COP1: variants seen among roughly 807,000 people sequenced by gnomAD.
COP1 encodes the protein E3 ubiquitin-protein ligase COP1.
In COP1, 24 loss-of-function variants were observed where a neutral mutation model predicts 101.3. That is an observed-to-expected ratio of 0.24 (90% confidence interval 0.17 to 0.33). COP1 has a LOEUF of 0.33. COP1 is among the 10% of genes least tolerant of loss of function. The pLI, the probability that COP1 is intolerant of heterozygous loss-of-function variation, is 1.00. For missense variants in COP1, 663 were observed against 906.2 expected (o/e 0.73, Z 3.45); for synonymous variants, 347 against 341.9 (o/e 1.01, Z -0.17).
At chr1:176,190,205 T>G (rs1197078325) in intron 1 of COP1, among the ~76,000 whole-genome samples, 2 of 152,088 alleles carry the variant, frequency 1.3e-5, no homozygotes, top group East Asian at 3.8e-4. Flanking sequence ...TGCATTTATA[T>G]TCTTACTGGT....
chr1:176,067,696 G>A (rs1425396272), intron 11 of COP1, among the ~76,000 whole-genome samples: 1 of 152,136 alleles, frequency 6.6e-6, no homozygotes, highest in Non-Finnish European at 1.5e-5. Context: ...CAATTTTTCT[G>A]GTACACCAAG....
intron 9 of COP1, among the ~76,000 whole-genome samples, chr1:176,111,172 A>G (rs1685220882): frequency 6.6e-6 from 1 of 152,184 alleles, no homozygotes; most frequent in Admixed American, 6.5e-5. Flanking sequence ...AATAATAATA[A>G]TAACAGTATT....
intron 18 of COP1, among the ~76,000 whole-genome samples, chr1:175,973,438 A>C (rs907595669): frequency 6.6e-5 from 10 of 152,214 alleles, no homozygotes; most frequent in Non-Finnish European, 1.5e-4. Context: ...AGCATAACAC[A>C]GTAAAAATTA....
chr1:176,136,821 A>C (rs1194923308), intron 6 of COP1, among the ~76,000 whole-genome samples: 1 of 152,196 alleles, frequency 6.6e-6, no homozygotes, highest in Non-Finnish European at 1.5e-5. Context: ...GATGAATGAC[A>C]GTGGCTTAAA....
chr1:176,069,125 T>C (rs1027135506), intron 11 of COP1, among the ~76,000 whole-genome samples: 1 of 151,548 alleles, frequency 6.6e-6, no homozygotes, highest in African/African-American at 2.4e-5. Flanking sequence ...GTCAAGGCTG[T>C]AGTAAATCAG....
intron 18 of COP1, among the ~76,000 whole-genome samples, chr1:175,985,343 A>C (rs1048209728): frequency 1.3e-5 from 2 of 152,206 alleles, no homozygotes; most frequent in Non-Finnish European, 2.9e-5. Flanking sequence ...TAGTTACAAA[A>C]CTAAAAAAAA....
intron 11 of COP1, among the ~76,000 whole-genome samples, chr1:176,049,228 G>A (rs554428479): frequency 2.1e-4 from 32 of 148,904 alleles, no homozygotes; most frequent in Non-Finnish European, 3.7e-4. Context: ...ACCTAAATAT[G>A]TCTATTATTT....
At chr1:176,184,531 C>G in intron 2 of COP1, 102 bp downstream of exon 2, 2 of 887,500 alleles carry the variant, frequency 2.3e-6, no homozygotes, top group Non-Finnish European at 1.8e-6. Context: ...ATGACTGTAA[C>G]ATAATCAAAG....
intron 9 of COP1, among the ~76,000 whole-genome samples, chr1:176,086,750 C>A (rs540837845): frequency 6.0e-4 from 91 of 152,112 alleles, no homozygotes; most frequent in South Asian, 2.7e-3. Flanking sequence ...ACAGAACTGG[C>A]AAAACTACTT....
At chr1:176,050,133 G>C (rs777810283) in intron 11 of COP1, among the ~76,000 whole-genome samples, 1 of 152,162 alleles carries the variant, frequency 6.6e-6, no homozygotes, top group Non-Finnish European at 1.5e-5. Context: ...TCGTGTTTCT[G>C]GGGACATAAA....
chr1:176,001,507 A>C (rs1392618771), intron 15 of COP1, among the ~76,000 whole-genome samples: 1 of 152,158 alleles, frequency 6.6e-6, no homozygotes, highest in East Asian at 1.9e-4. Flanking sequence ...CAGTGATGTA[A>C]AAATAATAAT....
intron 11 of COP1, among the ~76,000 whole-genome samples, chr1:176,054,409 G>A (rs1673103813): frequency 6.6e-6 from 1 of 151,926 alleles, no homozygotes; most frequent in Admixed American, 6.6e-5. Flanking sequence ...TGATCTGTCC[G>A]TCTCAGCCTC....
rs571539616 is a variant in COP1 at position 175,946,126 on chromosome 1, C to T, written c.2179-956G>A. 1.8e-4 allele frequency among the ~76,000 whole-genome samples: 27 copies of T among 152,204 alleles called. 1 individual carries two copies. The highest frequency in any genetic ancestry group is 1.7e-3 in the Admixed American group (26 of 15,284). The stretch of plus-strand genomic sequence containing the variant: ...GAGAGACTGAGAGAGTATAGAAAGC[C>T]ACTTAAATCAGATATTCCAAGACCT... On this transcript the variant is annotated intron_variant, in intron 19 of 19. Coordinates refer to ENST00000367669, the MANE Select transcript of COP1 (RefSeq NM_022457.7).
Position 175,993,603 on chromosome 1 carries a change from C to A in COP1, c.1730-4124G>T, listed in dbSNP as rs12068101. On this transcript the variant is annotated intron_variant, in intron 15 of 19. Transcript: ENST00000367669. Reference sequence around the variant, plus strand: ...CGAGAACTACGTGAAGAATGCAGAACCCTCAGGAGCCGATGAGATGAACTG... The same window carrying A: ...CGAGAACTACGTGAAGAATGCAGAAACCTCAGGAGCCGATGAGATGAACTG... Among the ~76,000 whole-genome samples, 12 of 152,000 alleles carry A rather than the reference C, an allele frequency of 7.9e-5. No individual in the cohort carries two copies. In the South Asian group the frequency reaches 1.5e-3, roughly 18 times the overall value.
intron 2 of COP1, among the ~76,000 whole-genome samples, chr1:176,180,841 G>C (rs776387627): frequency 1.3e-5 from 2 of 152,170 alleles, no homozygotes; most frequent in African/African-American, 2.4e-5. Flanking sequence ...CAAAAGTATG[G>C]TGCAAGATGA....
intron 1 of COP1, among the ~76,000 whole-genome samples, chr1:176,192,061 T>A (rs1324651937): frequency 6.6e-6 from 1 of 152,034 alleles, no homozygotes; most frequent in East Asian, 1.9e-4. Context: ...ATACAAGTAA[T>A]AGCCATGAAA....
intron 9 of COP1, among the ~76,000 whole-genome samples, chr1:176,093,240 C>A (rs952091245): frequency 6.6e-6 from 1 of 152,078 alleles, no homozygotes; most frequent in African/African-American, 2.4e-5. Context: ...ACATGAGTAA[C>A]CTGTATACTA....
At chr1:175,988,493 G>C in intron 16 of COP1, 81 bp from the exon 17 acceptor site, 1 of 1,331,832 alleles carries the variant, frequency 7.5e-7, no homozygotes, top group Non-Finnish European at 1.0e-6. Context: ...AGGCAATGCA[G>C]TTTGCTGGTT....
At chr1:176,008,458 T>C (rs1663968349) in intron 15 of COP1, among the ~76,000 whole-genome samples, 2 of 152,242 alleles carry the variant, frequency 1.3e-5, no homozygotes, top group Non-Finnish European at 2.9e-5. Context: ...AACAGAATTA[T>C]TTGTTTTTAT....
Sources: gnomAD v4.1 joint callset for allele counts (sites outside exome capture counted in the v4.1 genomes callset) on GRCh38, gnomAD v4.1.1 for gene constraint, MANE v1.5 for transcripts, NCBI Gene and HGNC (gene_info 2026-07-23, HGNC 2026-07-21) for gene names.